The following MAN2A1 variants were observed in gnomAD, a reference collection of about 807,000 sequenced individuals.
MAN2A1 encodes the protein alpha-mannosidase 2.
MAN2A1 carries 76 observed loss-of-function variants against 142.6 expected under a neutral mutation model. The observed-to-expected ratio is 0.53, with a 90% confidence interval of 0.44 to 0.65. The LOEUF (loss-of-function observed/expected upper bound fraction) is 0.65. MAN2A1 is among the 30% of genes least tolerant of loss of function. MAN2A1 has a pLI of 0.00. For synonymous variants in MAN2A1, 559 were observed against 473.2 expected (o/e 1.18, Z -2.35); for missense variants, 1,311 against 1,365.1 (o/e 0.96, Z 0.62).
intron 11 of MAN2A1, 28 bp downstream of exon 11, chr5:109,789,076 A>G: frequency 8.8e-7 from 1 of 1,131,060 alleles, no homozygotes; most frequent in South Asian, 1.4e-5. Context: ...TGGTCATCAT[A>G]AAAATGTGTA....
chr5:109,861,269 T>C (rs958241614), intron 20 of MAN2A1, among the ~76,000 whole-genome samples: 6 of 152,322 alleles, frequency 3.9e-5, no homozygotes, highest in African/African-American at 1.4e-4. Flanking sequence ...GTAAGCCCTA[T>C]GAGTGCTTGA....
At chr5:109,771,640 A>T (rs960088291) in intron 7 of MAN2A1, among the ~76,000 whole-genome samples, 1 of 152,190 alleles carries the variant, frequency 6.6e-6, no homozygotes, top group Non-Finnish European at 1.5e-5. Context: ...CTTTCTAGCT[A>T]GGGTTGGGTT....
At chr5:109,743,949 C>G (rs1752336059) in intron 4 of MAN2A1, among the ~76,000 whole-genome samples, 2 of 152,186 alleles carry the variant, frequency 1.3e-5, no homozygotes, top group Admixed American at 6.5e-5. Flanking sequence ...ACACTCTACT[C>G]AGGCATTCTG....
At chr5:109,848,970 T>C (rs969909481) in intron 19 of MAN2A1, among the ~76,000 whole-genome samples, 1 of 152,228 alleles carries the variant, frequency 6.6e-6, no homozygotes, top group South Asian at 2.1e-4. Flanking sequence ...CTCTTTCCGA[T>C]GTCAGTAGAT....
At chr5:109,818,231 C>T (rs1025815953) in intron 13 of MAN2A1, among the ~76,000 whole-genome samples, 12 of 152,060 alleles carry the variant, frequency 7.9e-5, no homozygotes, top group African/African-American at 2.9e-4. Flanking sequence ...ACCTCTGTCT[C>T]CCGGGTTCAA....
intron 20 of MAN2A1, among the ~76,000 whole-genome samples, chr5:109,856,051 A>G (rs1450114183): frequency 6.6e-6 from 1 of 152,208 alleles, no homozygotes; most frequent in Non-Finnish European, 1.5e-5. Context: ...GTTTAAAGAC[A>G]ATATAAGAGG....
At chr5:109,802,089 A>G (rs975974737) in intron 12 of MAN2A1, among the ~76,000 whole-genome samples, 3 of 152,120 alleles carry the variant, frequency 2.0e-5, no homozygotes, top group African/African-American at 7.2e-5. Flanking sequence ...GTATGTGTTC[A>G]TATTTTCTTG....
chr5:109,785,236 C>T (rs1582894809), intron 10 of MAN2A1, among the ~76,000 whole-genome samples: 3 of 151,968 alleles, frequency 2.0e-5, no homozygotes, highest in East Asian at 3.9e-4. Context: ...TCTTCTTGAC[C>T]AAGGACTTGG....
intron 1 of MAN2A1, 115 bp downstream of exon 1, chr5:109,690,667 A>C: frequency 1.7e-6 from 2 of 1,188,170 alleles, no homozygotes; most frequent in Non-Finnish European, 2.4e-6. Flanking sequence ...GTGCTGGGCG[A>C]GGCCAGGGGC....
At chr5:109,856,670 G>A (rs1460423287) in intron 20 of MAN2A1, among the ~76,000 whole-genome samples, 1 of 152,184 alleles carries the variant, frequency 6.6e-6, no homozygotes, top group African/African-American at 2.4e-5. Context: ...TCAGTTTTTT[G>A]AGAGAGAAGT....
intron 1 of MAN2A1, among the ~76,000 whole-genome samples, chr5:109,701,410 A>G (rs1409834680): frequency 1.3e-5 from 2 of 152,204 alleles, no homozygotes; most frequent in South Asian, 2.1e-4. Flanking sequence ...AAAACACTGT[A>G]GGTAGTTCAG....
chr5:109,711,228 A>T (rs915216722), intron 1 of MAN2A1, among the ~76,000 whole-genome samples: 1 of 152,220 alleles, frequency 6.6e-6, no homozygotes, highest in Non-Finnish European at 1.5e-5. Context: ...AGATGAATCA[A>T]CATGTTCTAA....
intron 12 of MAN2A1, among the ~76,000 whole-genome samples, chr5:109,811,919 A>G (rs1182404665): frequency 6.6e-6 from 1 of 152,124 alleles, no homozygotes; most frequent in Non-Finnish European, 1.5e-5. Context: ...TATCTGTATT[A>G]TCACCTGTTG....
intron 8 of MAN2A1, among the ~76,000 whole-genome samples, chr5:109,775,402 A>G (rs1404581732): frequency 6.6e-6 from 1 of 152,104 alleles, no homozygotes; most frequent in Non-Finnish European, 1.5e-5. Context: ...CAAATGTCCT[A>G]TGTCCAGAGA....
chr5:109,852,070 A>G (rs151169570), intron 19 of MAN2A1, among the ~76,000 whole-genome samples: 1 of 151,874 alleles, frequency 6.6e-6, no homozygotes, highest in African/African-American at 2.4e-5. Flanking sequence ...TGGGTAAAAA[A>G]CAAAAAATGT....
chr5:109,785,347 ACTT>A (rs1478465911), intron 10 of MAN2A1, among the ~76,000 whole-genome samples: 2 of 151,240 alleles, frequency 1.3e-5, no homozygotes, highest in Non-Finnish European at 2.9e-5. Flanking sequence ...GTTCTTGTAT[ACTT>A]CTTTTTTTTT....
chr5:109,704,423 T>C (rs193117561), intron 1 of MAN2A1, among the ~76,000 whole-genome samples: 4 of 152,322 alleles, frequency 2.6e-5, no homozygotes, highest in Non-Finnish European at 4.4e-5. Flanking sequence ...TTGCACAATT[T>C]GGAAGAAATT....
At chr5:109,842,256 G>C in intron 16 of MAN2A1, 72 bp from the exon 17 acceptor site, 1 of 972,902 alleles carries the variant, frequency 1.0e-6, no homozygotes, top group Admixed American at 2.9e-5. Flanking sequence ...AAAGAGTTCT[G>C]TATAGTATAT....
intron 1 of MAN2A1, among the ~76,000 whole-genome samples, chr5:109,705,947 C>T (rs1053668267): frequency 1.3e-5 from 2 of 152,136 alleles, no homozygotes; most frequent in Non-Finnish European, 2.9e-5. Flanking sequence ...CTCAGATATT[C>T]TAGGGTTTTC....
Sources: gnomAD v4.1 joint callset for allele counts (sites outside exome capture counted in the v4.1 genomes callset) on GRCh38, gnomAD v4.1.1 for gene constraint, MANE v1.5 for transcripts, NCBI Gene and HGNC (gene_info 2026-07-23, HGNC 2026-07-21) for gene names.